The following TXNDC16 variants were observed in gnomAD, a reference collection of about 807,000 sequenced individuals.
The protein encoded by TXNDC16 is thioredoxin domain-containing protein 16.
Under a neutral mutation model 85.6 loss-of-function variants are expected in TXNDC16, and 74 were observed. The ratio of observed to expected loss-of-function variants is 0.86; its 90% confidence interval spans 0.72 to 1.05. The LOEUF is 1.05. TXNDC16 is among the 50% of genes least tolerant of loss of function. The pLI is 0.00. For missense variants in TXNDC16, 959 were observed against 947.0 expected (o/e 1.01, Z -0.17); for synonymous variants, 335 against 326.5 (o/e 1.03, Z -0.28).
intron 1 of TXNDC16, among the ~76,000 whole-genome samples, chr14:52,547,961 C>T (rs1339065675): frequency 2.0e-5 from 3 of 152,204 alleles, no homozygotes; most frequent in Non-Finnish European, 2.9e-5. Flanking sequence ...TAGGTATGGC[C>T]ATGACTTGGC....
At chr14:52,480,641 G>A (rs550881570) in intron 14 of TXNDC16, among the ~76,000 whole-genome samples, 5 of 152,030 alleles carry the variant, frequency 3.3e-5, no homozygotes, top group Non-Finnish European at 7.4e-5. Flanking sequence ...ACTCCTGCAA[G>A]AATGGCCATA....
At chr14:52,535,794 C>T (rs530760898) in intron 6 of TXNDC16, among the ~76,000 whole-genome samples, 1 of 152,188 alleles carries the variant, frequency 6.6e-6, no homozygotes, top group South Asian at 2.1e-4. Flanking sequence ...ACTAACTGAG[C>T]AAGCCCAGAG....
chr14:52,480,957 G>A (rs1451210423), intron 14 of TXNDC16, among the ~76,000 whole-genome samples: 4 of 91,230 alleles, frequency 4.4e-5, no homozygotes, highest in Non-Finnish European at 6.8e-5. Flanking sequence ...GTGTGTGTGT[G>A]TGTGTATATA....
chr14:52,536,389 G>A (rs181470741), intron 6 of TXNDC16, among the ~76,000 whole-genome samples: 3 of 152,228 alleles, frequency 2.0e-5, no homozygotes, highest in Non-Finnish European at 2.9e-5. Flanking sequence ...TTGTTTATAA[G>A]CTACCCAGTC....
intron 6 of TXNDC16, among the ~76,000 whole-genome samples, chr14:52,534,411 AT>A (rs895016245): frequency 8.5e-5 from 13 of 152,092 alleles, no homozygotes; most frequent in Middle Eastern, 3.4e-3. Context: ...TGTTTCTGCA[AT>A]TTTTTTTAAG....
At chr14:52,495,869 G>A (rs889791497) in intron 9 of TXNDC16, among the ~76,000 whole-genome samples, 2 of 152,124 alleles carry the variant, frequency 1.3e-5, no homozygotes, top group African/African-American at 4.8e-5. Context: ...GTGAACTAAA[G>A]AGACAGATCG....
Position 52,543,283 on chromosome 14 carries a change from G to A in TXNDC16, c.160+115C>T, listed in dbSNP as rs2037872362. On this transcript the variant is annotated intron_variant, in intron 3 of 20. Coordinates refer to ENST00000281741, the MANE Select transcript of TXNDC16 (RefSeq NM_020784.3). The stretch of plus-strand genomic sequence containing the variant: ...TTCAAACCCAGTCAGACATATTATA[G>A]TAACAGCTATATAGCACATATTATT... The A allele has an allele frequency of 3.6e-5, 41 of 1,148,454 alleles. No homozygotes were observed. The South Asian group carries it at 6.4e-4, about 18-fold the overall frequency. 71.1% of individuals were successfully genotyped at this position (1,148,454 alleles called of 1,614,324 possible).
At chr14:52,501,550 T>C (rs757320969) in intron 9 of TXNDC16, among the ~76,000 whole-genome samples, 12 of 152,132 alleles carry the variant, frequency 7.9e-5, no homozygotes, top group Non-Finnish European at 1.5e-4. Context: ...TAGAATAATG[T>C]CTAAGATAAC....
chr14:52,510,907 A>T (rs569177878), intron 9 of TXNDC16, among the ~76,000 whole-genome samples: 1 of 152,312 alleles, frequency 6.6e-6, no homozygotes, highest in Non-Finnish European at 1.5e-5. Flanking sequence ...GGTCTTTGTG[A>T]TCTGTGAGTG....
rs115175934 is a variant in TXNDC16, at chr14:52,439,337, G to A, written c.2061C>T (p.Pro687=). ...ILRAYFDPLP[P]LPLLVLVNLH... ...GATTCACCAAAACAAGAAGAGGAAG[G>A]GGAGGCAGAGGATCAAAATATGCCC... Residue 687 remains proline (P), a synonymous_variant, in exon 20 of 21, where the codon CCC becomes CCT. Transcript: ENST00000281741. 80 of 1,614,000 alleles carry A rather than the reference G, an allele frequency of 5.0e-5. No individual in the cohort carries two copies. In the African/African-American group the frequency reaches 1.0e-3, roughly 20 times the overall value.
At chr14:52,438,345 T>C (rs145483981) in intron 20 of TXNDC16, among the ~76,000 whole-genome samples, 2 of 152,314 alleles carry the variant, frequency 1.3e-5, no homozygotes, top group East Asian at 1.9e-4. Context: ...GCAAACTTCA[T>C]TGTTGTCTTA....
intron 19 of TXNDC16, 152 bp from the exon 20 acceptor site, chr14:52,439,546 T>C (rs927393810): frequency 1.2e-5 from 8 of 668,292 alleles, no homozygotes; most frequent in Non-Finnish European, 1.9e-5. Context: ...GTCTACGACA[T>C]GTTATTAGTA....
At position 52,431,376 on chromosome 14, in the gene TXNDC16, A is replaced by G. The variant is rs1478975226; in HGVS notation, c.*928T>C. The G allele has an allele frequency of 6.6e-6, 1 of 152,218 alleles. No individual in the cohort carries two copies. Among genetic ancestry groups the G allele is most frequent in the Non-Finnish European group, 1.5e-5 (1 of 68,032 alleles). 9.4% of individuals were successfully genotyped at this position (152,218 alleles called of 1,614,324 possible). A position where few individuals can be genotyped will look rare whatever the true frequency, so the allele number is the denominator to read the frequency against. ...GGTTTTAAGACTCACTTAAAATATA[A>G]ATATCATTCTGAGTCCTCTTCTAGG... On this transcript the variant is annotated 3_prime_UTR_variant, in exon 21 of 21. Coordinates refer to ENST00000281741, the MANE Select transcript of TXNDC16 (RefSeq NM_020784.3).
At chr14:52,462,581 A>C (rs1314043145) in intron 16 of TXNDC16, among the ~76,000 whole-genome samples, 2 of 152,230 alleles carry the variant, frequency 1.3e-5, no homozygotes, top group African/African-American at 4.8e-5. Flanking sequence ...TCGGCCTCCC[A>C]AAATGCTGGG....
At chr14:52,547,988 G>A (rs34838071) in intron 1 of TXNDC16, among the ~76,000 whole-genome samples, 2,415 of 152,298 alleles carry the variant, frequency 0.016, 26 homozygotes, top group Non-Finnish European at 0.023. Context: ...AATGTGCAAG[G>A]TGACATGTAC....
At chr14:52,457,595 T>C (rs779568738) in intron 16 of TXNDC16, among the ~76,000 whole-genome samples, 2 of 152,208 alleles carry the variant, frequency 1.3e-5, no homozygotes, top group Non-Finnish European at 2.9e-5. Flanking sequence ...AAAGTATCTA[T>C]ATGCATAAAA....
chr14:52,455,239 A>G (rs1264364775), intron 18 of TXNDC16, 85 bp downstream of exon 18: 1 of 1,525,790 alleles, frequency 6.6e-7, no homozygotes, highest in Non-Finnish European at 8.9e-7. Flanking sequence ...CCAGCAAAAA[A>G]TGGAAAAATG....
chr14:52,442,631 G>A lies in TXNDC16; in HGVS notation c.1843-1907C>T, dbSNP rs556043529. Among the ~76,000 whole-genome samples the A allele has an allele frequency of 3.3e-5, 5 of 152,018 alleles. No homozygotes were observed. In the South Asian group the frequency reaches 1.0e-3, roughly 32 times the overall value. On this transcript the variant is annotated intron_variant, in intron 18 of 20. Coordinates refer to ENST00000281741, the MANE Select transcript of TXNDC16 (RefSeq NM_020784.3). ...TCCTTCTTACACCTTCCTCTTTCAT[G>A]GCTTAAATCTTAGATCACTTTTTCT...
chr14:52,484,948 AAGG>A (rs2036235246), intron 12 of TXNDC16, among the ~76,000 whole-genome samples: 1 of 152,210 alleles, frequency 6.6e-6, no homozygotes, highest in South Asian at 2.1e-4. Flanking sequence ...AATGATAATA[AAGG>A]ACTAGATTAT....
Sources: allele counts gnomAD v4.1 joint callset (sites outside exome capture counted in the v4.1 genomes callset), GRCh38; gene constraint gnomAD v4.1.1; transcripts MANE v1.5; gene names NCBI Gene and HGNC (gene_info 2026-07-23, HGNC 2026-07-21).